The following EHD3 variants were observed in gnomAD, a reference collection of about 807,000 sequenced individuals.
EHD3 encodes EH domain containing 3.
In EHD3, 17 loss-of-function variants were observed where a neutral mutation model predicts 43.0. The ratio of observed to expected loss-of-function variants is 0.40; its 90% CI spans 0.27 to 0.59. The LOEUF is 0.59. EHD3 is among the 20% of genes least tolerant of loss of function. The pLI is 0.49. For missense variants in EHD3, 594 were observed against 705.6 expected (o/e 0.84, Z 1.79); for synonymous variants, 313 against 289.5 (o/e 1.08, Z -0.82).
At chr2:31,261,788 G>T in intron 5 of EHD3, 75 bp downstream of exon 5, 2 of 1,552,162 alleles carry the variant, frequency 1.3e-6, no homozygotes, top group East Asian at 4.5e-5. Flanking sequence ...TATGGAGGAG[G>T]CCACTCTTGG....
intron 1 of EHD3, 68 bp from the exon 2 acceptor site, chr2:31,244,206 T>G (rs1397312931): frequency 1.3e-6 from 2 of 1,511,826 alleles, no homozygotes; most frequent in Admixed American, 3.7e-5. Context: ...TTGTCTGCCT[T>G]ATAGTAGACA....
intron 1 of EHD3, among the ~76,000 whole-genome samples, chr2:31,235,574 G>A: frequency 6.6e-6 from 1 of 152,182 alleles, no homozygotes; most frequent in East Asian, 1.9e-4. Context: ...AGATAACCGA[G>A]GCGCAGAGAA....
At chr2:31,236,606 A>G (rs564634572) in intron 1 of EHD3, among the ~76,000 whole-genome samples, 1 of 152,322 alleles carries the variant, frequency 6.6e-6, no homozygotes. Context: ...AGTTCAGGCC[A>G]TTTGCAGATG....
chr2:31,245,473 T>G (rs1466248650), intron 2 of EHD3, among the ~76,000 whole-genome samples: 1 of 150,802 alleles, frequency 6.6e-6, no homozygotes, highest in African/African-American at 2.4e-5. Flanking sequence ...TGGCCATTTT[T>G]CATTGTAGAA....
chr2:31,261,640 C>T lies in EHD3; in HGVS notation c.1007C>T (p.Ala336Val), dbSNP rs1227908042. 5 of 1,614,186 alleles carry T rather than the reference C, an allele frequency of 3.1e-6. No individual in the cohort carries two copies. Among genetic ancestry groups the T allele is most frequent in the Non-Finnish European group, 4.2e-6 (5 of 1,180,032 alleles). ...NKKKELVNNL[A>V]EIYGRIEREH... ...AAGAAGGAGCTGGTCAACAACCTGG[C>T]CGAGATCTATGGCCGGATCGAGCGG... is the stretch of plus-strand genomic sequence containing the variant. Residue 336 changes from alanine to valine, a missense_variant, in exon 5 of 6, where the codon GCC (alanine) becomes GTC (valine). By Grantham distance (64) the Ala-to-Val change is moderately conservative. Around this residue, in one of 3 missense-constraint regions of EHD3, gnomAD observed 322 missense variants for 348.0 expected, o/e 0.93. Coordinates refer to ENST00000322054, the MANE Select transcript of EHD3 (RefSeq NM_014600.3).
At chr2:31,261,828 CTGCA>C in intron 5 of EHD3, 115 bp downstream of exon 5, 10 of 1,163,446 alleles carry the variant, frequency 8.6e-6, no homozygotes, top group South Asian at 7.3e-5. Flanking sequence ...CGCCCAGAAT[CTGCA>C]GGCAAGGAGG....
chr2:31,243,616 C>T (rs1294111235), intron 1 of EHD3, among the ~76,000 whole-genome samples: 1 of 151,616 alleles, frequency 6.6e-6, no homozygotes, highest in African/African-American at 2.4e-5. Context: ...GCCACCATGC[C>T]CAGCTAATTT....
In EHD3 at chr2:31,269,063, G is replaced by A. The variant is rs1201143542; in HGVS notation, c.*2359G>A. ...GGGACAGATGTGGGTCACTTTCCCTGGCAGTGCCCTCTAGCCTTGCTGCCT... is the reference window on the plus strand; with the variant it reads ...GGGACAGATGTGGGTCACTTTCCCTAGCAGTGCCCTCTAGCCTTGCTGCCT... On this transcript the variant is annotated 3_prime_UTR_variant, in exon 6 of 6. Coordinates refer to ENST00000322054, the MANE Select transcript of EHD3 (RefSeq NM_014600.3). 1 of 152,218 alleles carries A rather than the reference G, an allele frequency of 6.6e-6. No homozygotes were observed. The highest frequency in any genetic ancestry group is 1.5e-5 in the Non-Finnish European group (1 of 68,056). 9.4% of individuals were successfully genotyped at this position (152,218 alleles called of 1,614,324 possible). A position where few individuals can be genotyped will look rare whatever the true frequency, so the allele number is the denominator to read the frequency against.
In EHD3 at chr2:31,234,726, C is replaced by G. The variant is rs776290028; in HGVS notation, c.105C>G (p.Pro35=). 9.3e-6 allele frequency: 15 copies of G among 1,614,220 alleles called. No homozygotes were observed. Among genetic ancestry groups the G allele is most frequent in the Middle Eastern group, 3.3e-4 (2 of 6,062 alleles). Residue 35 remains proline, a synonymous_variant, in exon 1 of 6, where the codon CCC becomes CCG. Coordinates refer to ENST00000322054, the MANE Select transcript of EHD3 (RefSeq NM_014600.3). ...AACTCTACAAGAGCAAGCTGCTGCCCTTGGAAGAGCATTACCGCTTCCACG... is the reference window on the plus strand; with the variant it reads ...AACTCTACAAGAGCAAGCTGCTGCCGTTGGAAGAGCATTACCGCTTCCACG... ...LKKLYKSKLL[P]LEEHYRFHEF... is the part of the protein sequence containing the mutation.
chr2:31,249,877 C>T (rs564612951), intron 3 of EHD3, among the ~76,000 whole-genome samples: 10 of 152,242 alleles, frequency 6.6e-5, no homozygotes, highest in African/African-American at 1.9e-4. Context: ...GTATCAGTGC[C>T]CTGGGTCATA....
chr2:31,267,034 C>T lies in EHD3; in HGVS notation c.*330C>T. The T allele has an allele frequency of 3.6e-6, 1 of 279,046 alleles. No homozygotes were observed. Among genetic ancestry groups the T allele is most frequent in the Non-Finnish European group, 6.7e-6 (1 of 149,188 alleles). 17.3% of individuals were successfully genotyped at this position (279,046 alleles called of 1,614,324 possible). ...TCACTTGCCAGCACAGATGGCCAAC[C>T]CACCTCCAGATTCCCCAGTGCTTCC... On this transcript the variant is annotated 3_prime_UTR_variant, in exon 6 of 6. Transcript: ENST00000322054.
intron 1 of EHD3, among the ~76,000 whole-genome samples, chr2:31,236,461 C>T (rs765645136): frequency 6.6e-6 from 1 of 152,320 alleles, no homozygotes; most frequent in African/African-American, 2.4e-5. Flanking sequence ...AGGGTGGGAA[C>T]CCCTGATCTA....
chr2:31,262,289 CAG>C (rs1293464013), intron 5 of EHD3, among the ~76,000 whole-genome samples: 2 of 152,120 alleles, frequency 1.3e-5, no homozygotes, highest in Admixed American at 1.3e-4. Flanking sequence ...ACAGAAGAAA[CAG>C]AGGTCTCAGC....
intron 5 of EHD3, among the ~76,000 whole-genome samples, chr2:31,262,534 C>T (rs77290198): frequency 5.8e-4 from 88 of 152,320 alleles, no homozygotes; most frequent in Non-Finnish European, 6.2e-4. Context: ...TACACAGTAG[C>T]AAATCATTAG....
chr2:31,268,282 T>C lies in EHD3; in HGVS notation c.*1578T>C, dbSNP rs567732274. 7 of 152,800 alleles carry C rather than the reference T, an allele frequency of 4.6e-5. No homozygotes were observed. In the South Asian group the frequency reaches 1.5e-3, roughly 32 times the overall value. The allele number at this position is 152,800 out of a possible 1,614,324, so 9.5% of individuals were successfully genotyped here. On this transcript the variant is annotated 3_prime_UTR_variant, in exon 6 of 6. Coordinates refer to ENST00000322054, the MANE Select transcript of EHD3 (RefSeq NM_014600.3). ...AAAACAAAATGAGTATAACTTATTT[T>C]ATATCCATATTCAGACTATATAGAG...
rs146103643 is a variant in EHD3 at position 31,260,610 on chromosome 2, A to T, written c.603A>T (p.Ser201=). The T allele has an allele frequency of 4.2e-5, 68 of 1,614,212 alleles. No homozygotes were observed. In the African/African-American group the frequency reaches 7.9e-4, roughly 19 times the overall value. Residue 201 remains serine (S), a synonymous_variant, in exon 4 of 6, where the codon TCA becomes TCT. Coordinates refer to ENST00000322054, the MANE Select transcript of EHD3 (RefSeq NM_014600.3). This position sits in a 1 kb window ranked among gnomAD's most constrained non-coding sequence, Gnocchi z 4.6. Reference sequence around the variant, plus strand: ...AACTGGACATCTCTGATGAGTTCTCAGAAGTCATCAAAGCCCTCAAGAACC... The same window carrying T: ...AACTGGACATCTCTGATGAGTTCTCTGAAGTCATCAAAGCCCTCAAGAACC... ...AHKLDISDEF[S]EVIKALKNHE...
chr2:31,242,060 C>G (rs1461972246), intron 1 of EHD3, among the ~76,000 whole-genome samples: 1 of 152,226 alleles, frequency 6.6e-6, no homozygotes, highest in African/African-American at 2.4e-5. Context: ...AGATCAGCAG[C>G]TTCCTCCAGG....
rs1279251386 is a variant in EHD3 at position 31,266,748 on chromosome 2, TG to T, written c.*47del. 1.4e-5 allele frequency: 22 copies of T among 1,535,548 alleles called. No individual in the cohort carries two copies. Among genetic ancestry groups the T allele is most frequent in the Non-Finnish European group, 1.9e-5 (22 of 1,142,754 alleles). ...AGACGGGCAGTGTTAGAGGAGGAGATGGGAGCGGTGACTACACACACACACA... is the reference window on the plus strand; with the variant it reads ...AGACGGGCAGTGTTAGAGGAGGAGATGGAGCGGTGACTACACACACACACA... On this transcript the variant is annotated 3_prime_UTR_variant, in exon 6 of 6. Transcript: ENST00000322054. The surrounding 1 kb of genome is among the most constrained non-coding windows in gnomAD (Gnocchi z 5.1).
At chr2:31,258,832 G>C (rs1337695169) in intron 3 of EHD3, among the ~76,000 whole-genome samples, 1 of 152,232 alleles carries the variant, frequency 6.6e-6, no homozygotes, top group Non-Finnish European at 1.5e-5. Flanking sequence ...GAGCTTGTTA[G>C]AAATGCTCTG....
Sources: gnomAD v4.1 joint callset for allele counts (sites outside exome capture counted in the v4.1 genomes callset) on GRCh38, gnomAD v4.1.1 for gene constraint, gnomAD v4.1.1 regional missense constraint, Gnocchi (gnomAD v3.1) non-coding constraint, MANE v1.5 for transcripts, NCBI Gene and HGNC (gene_info 2026-07-23, HGNC 2026-07-21) for gene names.